Variants in SIGLEC6 observed in about 807,000 individuals in gnomAD.
The protein encoded by SIGLEC6 is sialic acid binding Ig like lectin 6.
A neutral mutation model predicts 41.4 loss-of-function variants in SIGLEC6; 31 were observed. That is an observed-to-expected ratio of 0.75 (90% CI 0.56 to 1.01). The LOEUF (loss-of-function observed/expected upper bound fraction) is 1.01, where lower values mean the gene tolerates loss of function less well. Among genes scored for constraint, SIGLEC6 ranks in the 50% least tolerant of loss-of-function variants. The probability of loss-of-function intolerance (pLI) is 0.00; values close to 1 mark genes in which losing one functional copy is unlikely to be tolerated. For synonymous variants in SIGLEC6, 217 were observed against 231.0 expected (o/e 0.94, Z 0.55); for missense variants, 555 against 558.6 (o/e 0.99, Z 0.06).
chr19:51,523,668 G>A (rs1426786067), intron 7 of SIGLEC6, among the ~76,000 whole-genome samples: 2 of 152,182 alleles, frequency 1.3e-5, no homozygotes, highest in Non-Finnish European at 2.9e-5. Flanking sequence ...GGTCTGATAA[G>A]GAGAGGCCCA....
chr19:51,526,367 G>T (rs1029304358), intron 7 of SIGLEC6, among the ~76,000 whole-genome samples: 10 of 152,172 alleles, frequency 6.6e-5, no homozygotes, highest in African/African-American at 2.4e-4. Context: ...CTGAACAAGA[G>T]CCTACCTGCC....
At position 51,527,751 on chromosome 19, in the gene SIGLEC6, G is replaced by C. The variant is rs915328988; in HGVS notation, c.1184C>G (p.Ser395Cys). Residue 395 changes from serine (S) to cysteine (C), a missense_variant, in exon 7 of 8, where the codon TCC (serine) becomes TGC (cysteine). Physicochemically the swap from Ser to Cys is moderately radical, Grantham distance 112. Coordinates refer to ENST00000425629, the MANE Select transcript of SIGLEC6 (RefSeq NM_001245.7). ...ATTAAGGTCTCTGTCACTCACCCTGGAGCCTGAGACCATGACGGGGTTCAC... is the reference window on the plus strand; with the variant it reads ...ATTAAGGTCTCTGTCACTCACCCTGCAGCCTGAGACCATGACGGGGTTCAC... ...DDVNPVMVSG[S>C]RGHQHQFQTG... 10 of 1,613,802 alleles carry C rather than the reference G, an allele frequency of 6.2e-6. No individual in the cohort carries two copies. The Admixed American group carries it at 1.2e-4, about 19-fold the overall frequency.
At chr19:51,520,338 T>A (rs766928254) in intron 7 of SIGLEC6, 83 bp from the exon 8 acceptor site, 2 of 791,840 alleles carry the variant, frequency 2.5e-6, no homozygotes, top group Non-Finnish European at 3.7e-6. Context: ...GGAGTAGAAC[T>A]GATGGAACTT....
At chr19:51,528,605 T>A (rs1196135788) in intron 5 of SIGLEC6, among the ~76,000 whole-genome samples, 1 of 152,050 alleles carries the variant, frequency 6.6e-6, no homozygotes, top group Admixed American at 6.6e-5. Flanking sequence ...TGGAGAAGGG[T>A]CATAGCTGAT....
rs182869426 is a variant in SIGLEC6, at chr19:51,528,229, C to T, written c.1037G>A (p.Gly346Asp). ...VHWKPEGRAG[G>D]VLGAVWGASI... ...AGCTCCCCAGACTGCTCCCAGGACACCACCAGCCCTGCCTTCTGGTTTCCC... is the reference window on the plus strand; with the variant it reads ...AGCTCCCCAGACTGCTCCCAGGACATCACCAGCCCTGCCTTCTGGTTTCCC... Residue 346 changes from glycine (G) to aspartate (D), a missense_variant, in exon 6 of 8, where the codon GGT becomes GAT. Coordinates refer to ENST00000425629, the MANE Select transcript of SIGLEC6 (RefSeq NM_001245.7). 778 of 1,614,152 alleles carry T rather than the reference C, an allele frequency of 4.8e-4. 2 individuals are homozygous for T. In the African/African-American group the frequency reaches 8.5e-3, roughly 18 times the overall value.
rs917765360 is a variant in SIGLEC6 at position 51,518,806 on chromosome 19, G to T, written c.*1276C>A. Among the ~76,000 whole-genome samples the T allele has an allele frequency of 6.6e-6, 1 of 152,176 alleles. No homozygotes were observed. The highest frequency in any genetic ancestry group is 2.4e-5 in the African/African-American group (1 of 41,434). ...GACATGGGGTATTGGTGACTGGTGA[G>T]GAATTGATCTGGGGAAATCTGGATG... On this transcript the variant is annotated 3_prime_UTR_variant, in exon 8 of 8. Coordinates refer to ENST00000425629, the MANE Select transcript of SIGLEC6 (RefSeq NM_001245.7).
Position 51,530,828 on chromosome 19 carries a change from G to T in SIGLEC6, c.559C>A (p.Pro187Thr), listed in dbSNP as rs774198457. 4 of 1,614,044 alleles carry T rather than the reference G, an allele frequency of 2.5e-6. No individual in the cohort carries two copies. The Admixed American group carries it at 5.0e-5, about 20-fold the overall frequency. Residue 187 changes from proline to threonine, a missense_variant, in exon 3 of 8, where the codon CCC becomes ACC. Physicochemically the swap from Pro to Thr is conservative, Grantham distance 38. Transcript: ENST00000425629. ...GTGGTCCTGGGGCCCAGGGAGGTGGGGGCAGCTGACATCCAGGAGAAGATG... is the reference window on the plus strand; with the variant it reads ...GTGGTCCTGGGGCCCAGGGAGGTGGTGGCAGCTGACATCCAGGAGAAGATG... ...PPIFSWMSAA[P>T]TSLGPRTTQS...
intron 4 of SIGLEC6, 138 bp from the exon 5 acceptor site, chr19:51,530,119 A>T (rs1241331405): frequency 8.0e-6 from 9 of 1,123,766 alleles, no homozygotes; most frequent in Non-Finnish European, 3.8e-6. Flanking sequence ...AGAAAAGCCC[A>T]GACCATTTCC....
Position 51,520,167 on chromosome 19 carries a change from T to A in SIGLEC6, c.1277A>T (p.Tyr426Phe). Reference protein sequence around the residue: ...PISEDEQELHYAVLHFHKVQP... With the variant: ...PISEDEQELHFAVLHFHKVQP... ...CACCTTGTGGAAGTGTAGGACAGCG[T>A]AGTGGAGCTCCTGCTCATCTTCTGA... The change falls in exon 8 of 8, where the codon TAC (tyrosine) becomes TTC (phenylalanine). Residue 426 changes from tyrosine to phenylalanine, a missense_variant. Transcript: ENST00000425629. 6.2e-7 allele frequency: 1 copy of A among 1,609,780 alleles called. No individual in the cohort carries two copies. The highest frequency in any genetic ancestry group is 8.5e-7 in the Non-Finnish European group (1 of 1,176,694).
Position 51,531,472 on chromosome 19 carries a change from G to C in SIGLEC6, c.115C>G (p.Leu39Val). ...RRFQLEGPES[L>V]TVQEGLCVLV... is the part of the protein sequence containing the mutation. The stretch of plus-strand genomic sequence containing the variant: ...ACGCACAGACCCTCCTGCACCGTCA[G>C]TGACTCTGGCCCCTCCAGCTGGAAT... Residue 39 changes from leucine (L) to valine (V), a missense_variant, in exon 2 of 8, where the codon CTG (leucine) becomes GTG (valine). By Grantham distance (32) the Leu-to-Val change is conservative. Transcript: ENST00000425629. 1 of 1,614,066 alleles carries C rather than the reference G, an allele frequency of 6.2e-7. No homozygotes were observed. The highest frequency in any genetic ancestry group is 8.5e-7 in the Non-Finnish European group (1 of 1,179,956).
At chr19:51,526,368 C>A (rs953358613) in intron 7 of SIGLEC6, among the ~76,000 whole-genome samples, 3 of 152,152 alleles carry the variant, frequency 2.0e-5, no homozygotes, top group Non-Finnish European at 4.4e-5. Context: ...TGAACAAGAG[C>A]CTACCTGCCA....
Position 51,531,327 on chromosome 19 carries a change from T to C in SIGLEC6, c.260A>G (p.Glu87Gly), listed in dbSNP as rs1206612328. Reference protein sequence around the residue: ...ATNDPDEEVQEETRGRFHLLW... With the variant: ...ATNDPDEEVQGETRGRFHLLW... The stretch of plus-strand genomic sequence containing the variant: ...GAGGTGGAATCGGCCCCGGGTCTCC[T>C]CCTGCACTTCTTCGTCTGGGTCGTT... Residue 87 changes from glutamate to glycine, a missense_variant, in exon 2 of 8, where the codon GAG becomes GGG. Coordinates refer to ENST00000425629, the MANE Select transcript of SIGLEC6 (RefSeq NM_001245.7). 8.1e-6 allele frequency: 13 copies of C among 1,614,062 alleles called. No homozygotes were observed. Among genetic ancestry groups the C allele is most frequent in the Non-Finnish European group, 1.0e-5 (12 of 1,180,016 alleles).
In SIGLEC6 at chr19:51,530,651, G is replaced by A. The variant is rs539179753; in HGVS notation, c.706+30C>T. 1.1e-5 allele frequency: 18 copies of A among 1,611,300 alleles called. No individual in the cohort carries two copies. In the South Asian group the frequency reaches 1.7e-4, roughly 15 times the overall value. The stretch of plus-strand genomic sequence containing the variant: ...CCTGCCCTGTCCCCCCACACCCTCA[G>A]GGACCCGGGCGTCCTGGCCCAGCAC... On this transcript the variant is annotated intron_variant, in intron 3 of 7. Coordinates refer to ENST00000425629, the MANE Select transcript of SIGLEC6 (RefSeq NM_001245.7).
rs17239287 is a variant in SIGLEC6 at position 51,518,779 on chromosome 19, T to C, written c.*1303A>G. Among the ~76,000 whole-genome samples, 9,913 of 152,254 alleles carry C rather than the reference T, an allele frequency of 0.065. 368 individuals are homozygous for C. Among genetic ancestry groups the C allele is most frequent in the South Asian group, 0.12 (603 of 4,830 alleles). Reference sequence around the variant, plus strand: ...GATTTGTAAGAGGAAGCTGTGGAAATGGACATGGGGTATTGGTGACTGGTG... The same window carrying C: ...GATTTGTAAGAGGAAGCTGTGGAAACGGACATGGGGTATTGGTGACTGGTG... On this transcript the variant is annotated 3_prime_UTR_variant, in exon 8 of 8. Transcript: ENST00000425629.
chr19:51,519,102 T>C lies in SIGLEC6; in HGVS notation c.*980A>G, dbSNP rs1329668671. On this transcript the variant is annotated 3_prime_UTR_variant, in exon 8 of 8. Transcript: ENST00000425629. The stretch of plus-strand genomic sequence containing the variant: ...CGAGGTCAGGAGATCAAGACCATCC[T>C]GGCTAACACGGTGAAACCCCGTCTC... 1.3e-5 allele frequency among the ~76,000 whole-genome samples: 2 copies of C among 152,030 alleles called. No individual in the cohort carries two copies. Among genetic ancestry groups the C allele is most frequent in the Admixed American group, 6.5e-5 (1 of 15,268 alleles).
rs578170950 is a variant in SIGLEC6 at position 51,523,478 on chromosome 19, A to G, written c.1189-3223T>C. Among the ~76,000 whole-genome samples, 27 of 152,336 alleles carry G rather than the reference A, an allele frequency of 1.8e-4. 1 individual carries two copies. Among genetic ancestry groups the G allele is most frequent in the Middle Eastern group, 3.4e-3 (1 of 294 alleles). Reference sequence around the variant, plus strand: ...TCCAACAATATCTGCAAATACCAAGAAAGATAAAAACAAAGAAAACCACAC... The same window carrying G: ...TCCAACAATATCTGCAAATACCAAGGAAGATAAAAACAAAGAAAACCACAC... On this transcript the variant is annotated intron_variant, in intron 7 of 7. Coordinates refer to ENST00000425629, the MANE Select transcript of SIGLEC6 (RefSeq NM_001245.7).
chr19:51,520,146 T>C lies in SIGLEC6; in HGVS notation c.1298A>G (p.Lys433Arg). The change falls in exon 8 of 8, where the codon AAG becomes AGG. Residue 433 changes from lysine (K) to arginine (R), a missense_variant. Lys to Arg is a conservative substitution (Grantham distance 26, BLOSUM62 2). Coordinates refer to ENST00000425629, the MANE Select transcript of SIGLEC6 (RefSeq NM_001245.7). ...ELHYAVLHFH[K>R]VQPQEPKVTD... ...GACCTTTGGTTCCTGAGGTTGCACC[T>C]TGTGGAAGTGTAGGACAGCGTAGTG... 2 of 1,606,102 alleles carry C rather than the reference T, an allele frequency of 1.2e-6. No individual in the cohort carries two copies. The highest frequency in any genetic ancestry group is 1.7e-6 in the Non-Finnish European group (2 of 1,173,694).
At chr19:51,520,345 AC>A in intron 7 of SIGLEC6, 90 bp from the exon 8 acceptor site, 1 of 722,446 alleles carries the variant, frequency 1.4e-6, no homozygotes, top group East Asian at 3.0e-5. Context: ...AACTGATGGA[AC>A]TTTATTATTT....
chr19:51,530,753 T>C lies in SIGLEC6; in HGVS notation c.634A>G (p.Asn212Asp). ...GGGAACGTCACCTGACAGGTGAGGT[T>C]GGTGCTGTGGTCCTGGGGCCGTGGG... ...ITPRPQDHSTNLTCQVTFPGA... is the reference protein window; with the variant it reads ...ITPRPQDHSTDLTCQVTFPGA... Residue 212 changes from asparagine (N) to aspartate (D), a missense_variant, in exon 3 of 8, where the codon AAC becomes GAC. Transcript: ENST00000425629. 6.2e-7 allele frequency: 1 copy of C among 1,614,122 alleles called. No individual in the cohort carries two copies. Among genetic ancestry groups the C allele is most frequent in the Non-Finnish European group, 8.5e-7 (1 of 1,179,984 alleles).
Sources: allele counts gnomAD v4.1 joint callset (sites outside exome capture counted in the v4.1 genomes callset), GRCh38; gene constraint gnomAD v4.1.1; transcripts MANE v1.5; gene names NCBI Gene and HGNC (gene_info 2026-07-23, HGNC 2026-07-21).